The following ATG7 variants were observed in gnomAD, a reference collection of about 807,000 sequenced individuals.
The protein encoded by ATG7 is ubiquitin-like modifier-activating enzyme ATG7.
Under a neutral mutation model 82.4 loss-of-function variants are expected in ATG7, and 70 were observed. The ratio of observed to expected loss-of-function variants is 0.85; its 90% confidence interval spans 0.70 to 1.04. The LOEUF is 1.04. ATG7 is among the 50% of genes least tolerant of loss of function. The pLI is 0.00. For synonymous variants in ATG7, 287 were observed against 313.0 expected (o/e 0.92, Z 0.88); for missense variants, 792 against 864.3 (o/e 0.92, Z 1.05).
At chr3:11,496,625 A>T (rs747415061) in intron 20 of ATG7, among the ~76,000 whole-genome samples, 3 of 152,218 alleles carry the variant, frequency 2.0e-5, no homozygotes, top group Non-Finnish European at 4.4e-5. Context: ...ATGACTCTTC[A>T]TGAAACCTTG....
chr3:11,515,117 G>T (rs1022442528), intron 20 of ATG7, among the ~76,000 whole-genome samples: 13 of 152,114 alleles, frequency 8.5e-5, no homozygotes, highest in African/African-American at 2.9e-4. Context: ...GGGATTACAG[G>T]CATGAGCCAC....
chr3:11,504,913 T>C (rs916458091), intron 20 of ATG7, among the ~76,000 whole-genome samples: 4 of 152,166 alleles, frequency 2.6e-5, no homozygotes, highest in African/African-American at 9.7e-5. Context: ...GAGTTTGCCA[T>C]GACAGGGGTA....
chr3:11,528,172 G>A lies in ATG7; in HGVS notation c.2080-26639G>A, dbSNP rs75228590. 6.5e-3 allele frequency among the ~76,000 whole-genome samples: 987 copies of A among 152,256 alleles called. 17 individuals carry two copies. The East Asian group carries it at 0.074, about 11-fold the overall frequency. On this transcript the variant is annotated intron_variant, in intron 20 of 20. Coordinates refer to ENST00000693202, the MANE Select transcript of ATG7 (RefSeq NM_001349232.2). ...CTGGTTTGAAAGATAACCATTTCACGGGGCAAGGTTTTCTGCACTGAATCT... is the reference window on the plus strand; with the variant it reads ...CTGGTTTGAAAGATAACCATTTCACAGGGCAAGGTTTTCTGCACTGAATCT...
intron 20 of ATG7, among the ~76,000 whole-genome samples, chr3:11,447,383 C>T (rs1337270039): frequency 2.2e-4 from 34 of 151,770 alleles, no homozygotes; most frequent in Admixed American, 2.2e-3. Flanking sequence ...AGGAGAATCA[C>T]TTGAACCTGG....
intron 19 of ATG7, among the ~76,000 whole-genome samples, chr3:11,395,341 TAA>T (rs2079124007): frequency 6.6e-6 from 1 of 152,156 alleles, no homozygotes; most frequent in Non-Finnish European, 1.5e-5. Flanking sequence ...GGATTATAGA[TAA>T]ACTTTTTTTG....
chr3:11,479,281 T>G (rs1000136692), intron 20 of ATG7, among the ~76,000 whole-genome samples: 6 of 152,226 alleles, frequency 3.9e-5, no homozygotes, highest in African/African-American at 1.4e-4. Flanking sequence ...ATTTTTTCTT[T>G]AGGTGAACTG....
At chr3:11,333,648 A>G (rs549272233) in intron 11 of ATG7, among the ~76,000 whole-genome samples, 25 of 151,916 alleles carry the variant, frequency 1.6e-4, no homozygotes, top group Admixed American at 2.6e-4. Flanking sequence ...GTGTGTGTAT[A>G]TATATATACA....
At chr3:11,440,283 G>T (rs1257697194) in intron 20 of ATG7, among the ~76,000 whole-genome samples, 1 of 150,694 alleles carries the variant, frequency 6.6e-6, no homozygotes, top group Non-Finnish European at 1.5e-5. Context: ...ATTGGGAAAA[G>T]AGCAGGTAAG....
chr3:11,447,148 G>A (rs1248556691), intron 20 of ATG7, among the ~76,000 whole-genome samples: 1 of 152,172 alleles, frequency 6.6e-6, no homozygotes, highest in Non-Finnish European at 1.5e-5. Context: ...GAAACCAAAA[G>A]CTTGAACTCT....
intron 19 of ATG7, among the ~76,000 whole-genome samples, chr3:11,409,926 T>TA (rs1299603656): frequency 3.3e-5 from 5 of 152,210 alleles, no homozygotes; most frequent in Non-Finnish European, 7.3e-5. Flanking sequence ...TGTTCTGTGA[T>TA]ATATTTTTTT....
intron 20 of ATG7, among the ~76,000 whole-genome samples, chr3:11,519,696 A>G (rs1167628704): frequency 6.6e-6 from 1 of 151,202 alleles, no homozygotes; most frequent in Non-Finnish European, 1.5e-5. Context: ...AGTAGCTGGG[A>G]CCACAGGCGC....
chr3:11,349,899 C>T (rs771109970), intron 14 of ATG7, among the ~76,000 whole-genome samples: 1 of 152,190 alleles, frequency 6.6e-6, no homozygotes, highest in Non-Finnish European at 1.5e-5. Context: ...AGAGAAAAGT[C>T]ATTCAGCTCC....
Position 11,446,370 on chromosome 3 carries a change from G to T in ATG7, c.2079+19444G>T, listed in dbSNP as rs555868391. On this transcript the variant is annotated intron_variant, in intron 20 of 20. Transcript: ENST00000693202. ...CTTGTCTGCACCCTGAATTAAGTAT[G>T]CCAGAGACTCTTTATTTGTAAGACT... 1.3e-3 allele frequency: 381 copies of T among 290,804 alleles called. 1 individual carries two copies. The highest frequency in any genetic ancestry group is 3.2e-3 in the South Asian group (111 of 34,542). The allele number at this position is 290,804 out of a possible 1,614,324, so 18.0% of individuals were successfully genotyped here.
At chr3:11,407,569 A>G (rs1423764916) in intron 19 of ATG7, among the ~76,000 whole-genome samples, 1 of 152,194 alleles carries the variant, frequency 6.6e-6, no homozygotes, top group African/African-American at 2.4e-5. Flanking sequence ...GAGGTTCTCC[A>G]TGAGGACCCC....
At chr3:11,548,687 CG>C (rs1282904320) in intron 20 of ATG7, among the ~76,000 whole-genome samples, 1 of 152,172 alleles carries the variant, frequency 6.6e-6, no homozygotes, top group Non-Finnish European at 1.5e-5. Flanking sequence ...ACTGAGCCCC[CG>C]TATCAGCCGA....
chr3:11,478,678 A>C (rs1325545476), intron 20 of ATG7, among the ~76,000 whole-genome samples: 1 of 152,196 alleles, frequency 6.6e-6, no homozygotes, highest in Non-Finnish European at 1.5e-5. Context: ...AAAAAGCCCC[A>C]AAAGGAAAGG....
intron 20 of ATG7, among the ~76,000 whole-genome samples, chr3:11,447,220 C>T (rs2084650884): frequency 6.6e-6 from 1 of 152,162 alleles, no homozygotes; most frequent in Admixed American, 6.5e-5. Flanking sequence ...AATCCCAGCA[C>T]TTTGGGAGGC....
At chr3:11,314,695 A>T (rs923550910) in intron 8 of ATG7, among the ~76,000 whole-genome samples, 1 of 152,188 alleles carries the variant, frequency 6.6e-6, no homozygotes, top group African/African-American at 2.4e-5. Context: ...AGCACTTTGG[A>T]ACGCAGAGGT....
At chr3:11,407,892 G>A (rs1426066507) in intron 19 of ATG7, among the ~76,000 whole-genome samples, 4 of 152,118 alleles carry the variant, frequency 2.6e-5, no homozygotes, top group African/African-American at 9.7e-5. Context: ...TAGTGGGAGG[G>A]GCTGCCACAA....
Sources: allele counts gnomAD v4.1 joint callset (sites outside exome capture counted in the v4.1 genomes callset), GRCh38; gene constraint gnomAD v4.1.1; transcripts MANE v1.5; gene names NCBI Gene and HGNC (gene_info 2026-07-23, HGNC 2026-07-21).